The following SAMTOR variants were observed in gnomAD, a reference collection of about 807,000 sequenced individuals.
The protein encoded by SAMTOR is S-adenosylmethionine sensor upstream of mTORC1, also known as UPF0532 protein C7orf60.
the SAMTOR span, among the ~76,000 whole-genome samples, chr7:112,865,506 G>A: frequency 6.6e-6 from 1 of 151,786 alleles, no homozygotes; most frequent in African/African-American, 2.4e-5. Flanking sequence ...TCAATCTCCT[G>A]AACTTGTGAT....
At chr7:112,922,895 C>G in the SAMTOR span, among the ~76,000 whole-genome samples, 3,320 of 142,490 alleles carry the variant, frequency 0.023, 286 homozygotes, top group African/African-American at 0.083. Context: ...GTCAGCCCCC[C>G]CCCCCCGGGC....
At chr7:112,831,562 G>A in the SAMTOR span, among the ~76,000 whole-genome samples, 19 of 152,100 alleles carry the variant, frequency 1.2e-4, no homozygotes, top group South Asian at 2.1e-4. Context: ...GGCTGAGGCC[G>A]GAGAATCACT....
At chr7:112,924,096 G>T in the SAMTOR span, among the ~76,000 whole-genome samples, 3 of 151,418 alleles carry the variant, frequency 2.0e-5, no homozygotes, top group Non-Finnish European at 4.4e-5. Context: ...TAATGCTAAA[G>T]GACGAGTTAA....
the SAMTOR span, among the ~76,000 whole-genome samples, chr7:112,884,375 A>G: frequency 6.6e-6 from 1 of 152,160 alleles, no homozygotes; most frequent in Non-Finnish European, 1.5e-5. Context: ...TCCAAGTCCA[A>G]GGTCTCATCT....
chr7:112,838,244 TCA>T, the SAMTOR span, among the ~76,000 whole-genome samples: 1 of 151,886 alleles, frequency 6.6e-6, no homozygotes, highest in African/African-American at 2.4e-5. Context: ...GTTAGGTAAT[TCA>T]CAGACAGGGA....
the SAMTOR span, among the ~76,000 whole-genome samples, chr7:112,900,079 T>C: frequency 1.3e-5 from 2 of 151,958 alleles, no homozygotes; most frequent in Non-Finnish European, 2.9e-5. Context: ...ATTCATATAT[T>C]CAGAGGAAAA....
At chr7:112,902,693 G>C in the SAMTOR span, among the ~76,000 whole-genome samples, 1 of 152,052 alleles carries the variant, frequency 6.6e-6, no homozygotes, top group Non-Finnish European at 1.5e-5. Context: ...CTCTAGTGCT[G>C]GATGTTGACA....
the SAMTOR span, among the ~76,000 whole-genome samples, chr7:112,832,101 TC>T: frequency 6.8e-6 from 1 of 146,870 alleles, no homozygotes; most frequent in East Asian, 2.1e-4. Context: ...CACCTCCGCC[TC>T]CCGGGTTCAA....
chr7:112,885,036 T>A, the SAMTOR span, among the ~76,000 whole-genome samples: 1 of 152,218 alleles, frequency 6.6e-6, no homozygotes, highest in Admixed American at 6.5e-5. Context: ...CAACACCATG[T>A]GGAAGCCTTC....
At chr7:112,907,206 C>T in the SAMTOR span, among the ~76,000 whole-genome samples, 1 of 152,018 alleles carries the variant, frequency 6.6e-6, no homozygotes, top group Non-Finnish European at 1.5e-5. Flanking sequence ...AAACTTAGTA[C>T]ATCATGTAAG....
At chr7:112,910,846 A>C in the SAMTOR span, among the ~76,000 whole-genome samples, 2 of 152,196 alleles carry the variant, frequency 1.3e-5, no homozygotes, top group Non-Finnish European at 2.9e-5. Flanking sequence ...ACACAAAACT[A>C]GTTTGGAATT....
chr7:112,845,944 T>C, the SAMTOR span, among the ~76,000 whole-genome samples: 1 of 152,136 alleles, frequency 6.6e-6, no homozygotes, highest in African/African-American at 2.4e-5. Context: ...GAGGCCATCA[T>C]ACTTAGCAAA....
the SAMTOR span, among the ~76,000 whole-genome samples, chr7:112,879,387 T>C: frequency 1.3e-5 from 2 of 151,936 alleles, no homozygotes; most frequent in Admixed American, 6.6e-5. Context: ...AATACTGTTA[T>C]TATGAAACAA....
At chr7:112,864,963 A>C in the SAMTOR span, among the ~76,000 whole-genome samples, 1 of 152,120 alleles carries the variant, frequency 6.6e-6, no homozygotes, top group African/African-American at 2.4e-5. Flanking sequence ...CATGTTGTCC[A>C]GGCTGGTCTC....
At chr7:112,848,543 G>C in the SAMTOR span, among the ~76,000 whole-genome samples, 3 of 152,134 alleles carry the variant, frequency 2.0e-5, no homozygotes, top group Non-Finnish European at 4.4e-5. Flanking sequence ...ACTCAGAGAA[G>C]GGAAGGGAAA....
the SAMTOR span, among the ~76,000 whole-genome samples, chr7:112,928,361 A>C: frequency 6.6e-6 from 1 of 151,728 alleles, no homozygotes; most frequent in Non-Finnish European, 1.5e-5. Context: ...TATTTTCTTC[A>C]AGAGGGTTTA....
chr7:112,867,446 A>G, the SAMTOR span, among the ~76,000 whole-genome samples: 101 of 152,340 alleles, frequency 6.6e-4, no homozygotes, highest in Admixed American at 1.3e-3. Flanking sequence ...AAGTCTTCTT[A>G]TAACTGTCCA....
the SAMTOR span, among the ~76,000 whole-genome samples, chr7:112,859,037 C>A: frequency 6.6e-6 from 1 of 152,054 alleles, no homozygotes; most frequent in Admixed American, 6.6e-5. Context: ...TGTGGGTGGG[C>A]CTCATCCAAT....
the SAMTOR span, among the ~76,000 whole-genome samples, chr7:112,928,066 A>G: frequency 1.3e-5 from 2 of 152,070 alleles, no homozygotes; most frequent in Non-Finnish European, 2.9e-5. Context: ...AGAATAGCAC[A>G]TTCATTAATT....
Sources: allele counts gnomAD v4.1 joint callset (sites outside exome capture counted in the v4.1 genomes callset), GRCh38; gene constraint gnomAD v4.1.1; transcripts MANE v1.5; gene names NCBI Gene and HGNC (gene_info 2026-07-23, HGNC 2026-07-21).